Variants in HHIPL2 observed in about 807,000 individuals in gnomAD.
HHIPL2 encodes HHIP-like protein 2.
A neutral mutation model predicts 61.0 loss-of-function variants in HHIPL2; 61 were observed. The ratio of observed to expected loss-of-function variants is 1.00; its 90% CI spans 0.81 to 1.24. The LOEUF is 1.24. Among genes scored for constraint, HHIPL2 ranks in the 50% most tolerant of loss-of-function variants. The pLI is 0.00. For missense variants in HHIPL2, 885 were observed against 910.2 expected, an observed-to-expected ratio of 0.97 and a Z score of 0.36; for synonymous variants, 343 against 357.4, an observed-to-expected ratio of 0.96 and a Z score of 0.45.
chr1:222,544,691 T>C (rs1314147691), intron 1 of HHIPL2, among the ~76,000 whole-genome samples: 2 of 152,296 alleles, frequency 1.3e-5, no homozygotes, highest in East Asian at 1.9e-4. Context: ...GGATGCTATA[T>C]CTACCAAGAT....
intron 6 of HHIPL2, 56 bp downstream of exon 6, chr1:222,531,910 C>T (rs1553269983): frequency 6.7e-7 from 1 of 1,501,242 alleles, no homozygotes; most frequent in Non-Finnish European, 9.1e-7. Context: ...CAGTTGATGC[C>T]TGTGATTATC....
chr1:222,523,970 C>G, intron 7 of HHIPL2: 1 of 441,730 alleles, frequency 2.3e-6, no homozygotes, highest in South Asian at 2.8e-5. Context: ...ATCCTGGTAA[C>G]CAGGGGCAAA....
intron 1 of HHIPL2, among the ~76,000 whole-genome samples, chr1:222,547,308 C>G (rs1659574812): frequency 1.3e-5 from 2 of 152,186 alleles, no homozygotes; most frequent in Non-Finnish European, 2.9e-5. Context: ...GGACTGGACC[C>G]CAGCAGATGC....
At chr1:222,541,991 C>A in intron 3 of HHIPL2, 21 bp downstream of exon 3, 1 of 1,592,168 alleles carries the variant, frequency 6.3e-7, no homozygotes, top group East Asian at 2.3e-5. Flanking sequence ...GGGACAAGGG[C>A]CCGGCCCCCA....
At chr1:222,541,868 A>G (rs1273725254) in intron 3 of HHIPL2, 144 bp downstream of exon 3, 4 of 785,672 alleles carry the variant, frequency 5.1e-6, no homozygotes, top group Non-Finnish European at 7.7e-6. Flanking sequence ...TTTATGGAAC[A>G]GAAAACCAAA....
chr1:222,540,267 G>A lies in HHIPL2; in HGVS notation c.1193C>T (p.Pro398Leu). The change falls in exon 4 of 9, where the codon CCC becomes CTC. Residue 398 changes from proline to leucine, a missense_variant. By Grantham distance (98) the Pro-to-Leu change is moderately conservative. Transcript: ENST00000343410. ...CTCAGAAACAAATGGATTGTCCGAG[G>A]GGACTCGGTACCGCTTGCCATGTGA... ...AGSHGKRYRV[P>L]SDNPFVSEPG... 6.2e-7 allele frequency: 1 copy of A among 1,614,208 alleles called. No individual in the cohort carries two copies. The highest frequency in any genetic ancestry group is 1.3e-5 in the African/African-American group (1 of 75,040).
chr1:222,540,706 G>A (rs1659413985), intron 3 of HHIPL2, among the ~76,000 whole-genome samples: 1 of 152,178 alleles, frequency 6.6e-6, no homozygotes, highest in African/African-American at 2.4e-5. Flanking sequence ...TTTTCAAGAA[G>A]CTAGTTATAT....
At chr1:222,523,830 A>C (rs1443189479) in intron 7 of HHIPL2, 136 bp from the exon 8 acceptor site, 6 of 748,392 alleles carry the variant, frequency 8.0e-6, no homozygotes, top group Middle Eastern at 2.4e-4. Flanking sequence ...TAGATGTAAC[A>C]GGAAATATGC....
chr1:222,533,823 T>C (rs1172649491), intron 5 of HHIPL2, among the ~76,000 whole-genome samples: 2 of 152,082 alleles, frequency 1.3e-5, no homozygotes, highest in African/African-American at 4.8e-5. Context: ...GCTGAAAAGA[T>C]ATTGCTGAGA....
chr1:222,546,099 G>C (rs1659551549), intron 1 of HHIPL2, among the ~76,000 whole-genome samples: 1 of 116,212 alleles, frequency 8.6e-6, no homozygotes, highest in Admixed American at 9.6e-5. Context: ...CTCCTGTTGA[G>C]TCTGTCTTAC....
chr1:222,530,021 G>T (rs1558127264), intron 6 of HHIPL2, among the ~76,000 whole-genome samples: 1 of 152,004 alleles, frequency 6.6e-6, no homozygotes, highest in Non-Finnish European at 1.5e-5. Context: ...AAGCAACTCT[G>T]GAAAAAAAAA....
chr1:222,527,103 C>T, intron 6 of HHIPL2, 53 bp from the exon 7 acceptor site: 3 of 1,379,252 alleles, frequency 2.2e-6, no homozygotes, highest in Non-Finnish European at 3.1e-6. Context: ...AGCACTGAGA[C>T]ACAGAGTTGG....
At chr1:222,542,916 C>G (rs1240339943) in intron 2 of HHIPL2, among the ~76,000 whole-genome samples, 1 of 152,182 alleles carries the variant, frequency 6.6e-6, no homozygotes, top group African/African-American at 2.4e-5. Context: ...CTCTGCCCTA[C>G]CAGAATGCTC....
chr1:222,542,343 A>G (rs1193804212), intron 2 of HHIPL2, among the ~76,000 whole-genome samples, 188 bp from the exon 3 acceptor site: 3 of 150,848 alleles, frequency 2.0e-5, no homozygotes, highest in Admixed American at 6.7e-5. Flanking sequence ...GTTTCCTGGT[A>G]TAACTCTTTC....
rs1314042664 is a variant in HHIPL2, at chr1:222,522,889, T to G, written c.1889-2A>C. 6.2e-7 allele frequency: 1 copy of G among 1,611,002 alleles called. No individual in the cohort carries two copies. The highest frequency in any genetic ancestry group is 1.3e-5 in the African/African-American group (1 of 74,746). ...CCTTTAGCAAGTCCAAGACTGTCTC[T>G]GAGAAATCAGTATTTATTTAGTGAA... On this transcript the variant is annotated splice_acceptor_variant, in intron 8 of 8. Transcript: ENST00000343410. LOFTEE classifies it high-confidence loss of function.
chr1:222,545,375 C>A (rs998900579), intron 1 of HHIPL2, among the ~76,000 whole-genome samples: 1 of 152,154 alleles, frequency 6.6e-6, no homozygotes, highest in Admixed American at 6.5e-5. Flanking sequence ...TCTGATTGTA[C>A]GCTGCAGAGT....
At chr1:222,530,045 G>A (rs1659155640) in intron 6 of HHIPL2, among the ~76,000 whole-genome samples, 2 of 152,174 alleles carry the variant, frequency 1.3e-5, no homozygotes, top group Non-Finnish European at 2.9e-5. Flanking sequence ...TTTGCCTCAA[G>A]AACAGCCTCA....
intron 6 of HHIPL2, among the ~76,000 whole-genome samples, chr1:222,530,664 G>C (rs2102612699): frequency 6.6e-6 from 1 of 152,262 alleles, no homozygotes; most frequent in South Asian, 2.1e-4. Context: ...ATGGCCCAGA[G>C]GGGAAAGAAA....
chr1:222,526,896 T>C (rs536269683), intron 7 of HHIPL2, 73 bp downstream of exon 7: 1 of 1,255,126 alleles, frequency 8.0e-7, no homozygotes, highest in African/African-American at 1.5e-5. Context: ...CAATGAGGAC[T>C]GTTTTTATGG....
Sources: gnomAD v4.1 joint callset for allele counts (sites outside exome capture counted in the v4.1 genomes callset) on GRCh38, gnomAD v4.1.1 for gene constraint, MANE v1.5 for transcripts, NCBI Gene and HGNC (gene_info 2026-07-23, HGNC 2026-07-21) for gene names.